DARS1: variants seen among roughly 807,000 people sequenced by gnomAD.
DARS1 encodes the protein aspartate--tRNA ligase, cytoplasmic.
In DARS1, 51 loss-of-function variants were observed where a neutral mutation model predicts 68.8. That is an observed-to-expected ratio of 0.74 (90% CI 0.59 to 0.94). The LOEUF (loss-of-function observed/expected upper bound fraction) is 0.94, where lower values mean the gene tolerates loss of function less well. Among genes scored for constraint, DARS1 ranks in the 40% least tolerant of loss-of-function variants. The pLI, the probability that DARS1 is intolerant of heterozygous loss-of-function variation, is 0.00. For synonymous variants in DARS1, 203 were observed against 190.4 expected, an observed-to-expected ratio of 1.07 and a Z score of -0.55; for missense variants, 607 against 597.3, an observed-to-expected ratio of 1.02 and a Z score of -0.17.
intron 3 of DARS1, among the ~76,000 whole-genome samples, chr2:135,978,302 C>T (rs887257440): frequency 3.7e-4 from 56 of 151,934 alleles, no homozygotes; most frequent in African/African-American, 1.3e-3. Flanking sequence ...TTAAAAAATG[C>T]TATTATCATG....
At chr2:135,983,737 T>C (rs1011736137) in intron 1 of DARS1, among the ~76,000 whole-genome samples, 1 of 152,240 alleles carries the variant, frequency 6.6e-6, no homozygotes, top group African/African-American at 2.4e-5. Context: ...TTTACACATA[T>C]GTACAACACA....
intron 5 of DARS1, 104 bp downstream of exon 5, chr2:135,943,274 C>A: frequency 7.0e-7 from 1 of 1,433,020 alleles, no homozygotes; most frequent in Non-Finnish European, 9.3e-7. Flanking sequence ...ATTTATAAAC[C>A]TCAGTATTTT....
In DARS1 at chr2:135,916,296, G is replaced by C. The variant is rs774006283; in HGVS notation, c.1036C>G (p.Leu346Val). 2 of 1,549,528 alleles carry C rather than the reference G, an allele frequency of 1.3e-6. No homozygotes were observed. The highest frequency in any genetic ancestry group is 2.2e-5 in the East Asian group (1 of 44,542). The change falls in exon 11 of 16, where the codon CTA becomes GTA. Residue 346 changes from leucine (L) to valine (V), a missense_variant. Leu to Val is a conservative substitution (Grantham distance 32). Transcript: ENST00000264161. ...ATAGCCAATGCTTCACAATATTCTAGTCTTAGAGTTGGCTCCAAAAATTTG... is the reference window on the plus strand; with the variant it reads ...ATAGCCAATGCTTCACAATATTCTACTCTTAGAGTTGGCTCCAAAAATTTG... ...PFKFLEPTLR[L>V]EYCEALAMLR...
chr2:135,907,386 A>T lies in DARS1; in HGVS notation c.1436T>A (p.Leu479Gln). ...GGIGLERVTM[L>Q]FLGLHNVRQT... ...ACGAACATTATGCAATCCCAGAAAC[A>T]GCATAGTAACTCGTTCCAATCCTGG... Residue 479 changes from leucine to glutamine, a missense_variant, in exon 16 of 16, where the codon CTG (leucine) becomes CAG (glutamine). By Grantham distance (113) the Leu-to-Gln change is moderately radical. Coordinates refer to ENST00000264161, the MANE Select transcript of DARS1 (RefSeq NM_001349.4). The T allele has an allele frequency of 3.1e-6, 5 of 1,612,606 alleles. No individual in the cohort carries two copies. Among genetic ancestry groups the T allele is most frequent in the Non-Finnish European group, 4.2e-6 (5 of 1,179,250 alleles).
chr2:135,907,243 T>TTTTTTTTTTTTTTTTTTTTTTTTTTA lies in DARS1; in HGVS notation c.*72_*73insTAAAAAAAAAAAAAAAAAAAAAAAAA. 1 of 154,454 alleles carries TTTTTTTTTTTTTTTTTTTTTTTTTTA rather than the reference T, an allele frequency of 6.5e-6. No homozygotes were observed. The highest frequency in any genetic ancestry group is 4.0e-5 in the African/African-American group (1 of 24,904). 9.6% of individuals were successfully genotyped at this position (154,454 alleles called of 1,614,324 possible). Reference sequence around the variant, plus strand: ...ACTGAAAAGAATAAGTGTGGCTTTCTTTTTTTTTTTTTTTTTTTGAGGCAG... The same window carrying TTTTTTTTTTTTTTTTTTTTTTTTTTA: ...ACTGAAAAGAATAAGTGTGGCTTTCTTTTTTTTTTTTTTTTTTTTTTTTTTATTTTTTTTTTTTTTTTTTGAGGCAG... On this transcript the variant is annotated 3_prime_UTR_variant, in exon 16 of 16. Coordinates refer to ENST00000264161, the MANE Select transcript of DARS1 (RefSeq NM_001349.4).
intron 5 of DARS1, among the ~76,000 whole-genome samples, chr2:135,941,742 A>G (rs1681602519): frequency 6.6e-6 from 1 of 151,980 alleles, no homozygotes. Flanking sequence ...ATGGGAGAAA[A>G]TTTTCACAAC....
At chr2:135,943,271 A>T (rs1407699203) in intron 5 of DARS1, 107 bp downstream of exon 5, 1 of 1,421,632 alleles carries the variant, frequency 7.0e-7, no homozygotes, top group East Asian at 2.4e-5. Flanking sequence ...CTAATTTATA[A>T]ACCTCAGTAT....
intron 3 of DARS1, among the ~76,000 whole-genome samples, chr2:135,965,956 T>C (rs1485120091): frequency 6.6e-6 from 1 of 152,290 alleles, no homozygotes; most frequent in South Asian, 2.1e-4. Flanking sequence ...CAAGCTCTTG[T>C]CATGTATTAG....
At chr2:135,985,267 G>T in intron 1 of DARS1, 136 bp downstream of exon 1, 1 of 1,392,268 alleles carries the variant, frequency 7.2e-7, no homozygotes, top group Non-Finnish European at 9.5e-7. Flanking sequence ...GGCTCTAGGC[G>T]CCCGGACCCC....
Position 135,973,731 on chromosome 2 carries a change from G to C in DARS1, c.217+5543C>G, listed in dbSNP as rs532896943. ...AATAAAAAATAAAAATTAGCTGGGC[G>C]TGGTGACATGTGCCTGTAGTCCCAG... On this transcript the variant is annotated intron_variant, in intron 3 of 15. Coordinates refer to ENST00000264161, the MANE Select transcript of DARS1 (RefSeq NM_001349.4). 7.2e-5 allele frequency among the ~76,000 whole-genome samples: 11 copies of C among 152,074 alleles called. No homozygotes were observed. In the South Asian group the frequency reaches 2.3e-3, roughly 32 times the overall value.
At chr2:135,936,045 A>C (rs900471809) in intron 5 of DARS1, among the ~76,000 whole-genome samples, 1 of 152,224 alleles carries the variant, frequency 6.6e-6, no homozygotes, top group East Asian at 1.9e-4. Flanking sequence ...TTCTACTTTT[A>C]TAACTAGTGG....
At position 135,950,143 on chromosome 2, in the gene DARS1, C is replaced by T. The variant is rs77753457; in HGVS notation, c.321-6663G>A. 8.6e-3 allele frequency among the ~76,000 whole-genome samples: 1,310 copies of T among 152,262 alleles called. 16 individuals carry two copies. Among genetic ancestry groups the T allele is most frequent in the African/African-American group, 0.028 (1,156 of 41,558 alleles). ...GGGCTTCATGGAATTAACATATAAA[C>T]ACCATTGTTTCTCCCACTTTGTTGT... On this transcript the variant is annotated intron_variant, in intron 4 of 15. Transcript: ENST00000264161.
chr2:135,916,214 A>G lies in DARS1; in HGVS notation c.1106+12T>C, dbSNP rs747640742. The G allele has an allele frequency of 6.5e-6, 10 of 1,548,994 alleles. No individual in the cohort carries two copies. In the East Asian group the frequency reaches 2.0e-4, roughly 31 times the overall value. On this transcript the variant is annotated intron_variant, in intron 11 of 15. Coordinates refer to ENST00000264161, the MANE Select transcript of DARS1 (RefSeq NM_001349.4). ...TGGAACTTAAAGTAAAAAAAAAGCC[A>G]CAAAGACAAACCTCAGATCGTCTTC...
chr2:135,915,176 AT>A, intron 11 of DARS1, among the ~76,000 whole-genome samples: 1 of 152,334 alleles, frequency 6.6e-6, no homozygotes, highest in East Asian at 1.9e-4. Flanking sequence ...AAAAGTGACA[AT>A]AATCATTTCC....
At chr2:135,961,769 C>A (rs1682107241) in intron 3 of DARS1, among the ~76,000 whole-genome samples, 1 of 152,190 alleles carries the variant, frequency 6.6e-6, no homozygotes, top group Non-Finnish European at 1.5e-5. Flanking sequence ...TTCAAAAAAA[C>A]TTCTAAATCA....
rs764026468 is a variant in DARS1 at position 135,943,388 on chromosome 2, T to C, written c.413A>G (p.His138Arg). Residue 138 changes from histidine (H) to arginine (R), a missense_variant, in exon 5 of 16, where the codon CAT becomes CGT. His to Arg is a conservative substitution (Grantham distance 29). Transcript: ENST00000264161. ...GSCTQQDVEL[H>R]VQKIYVISLA... is the part of the protein sequence containing the mutation. ...TTTGAAAAAACTTACCTTCTGAACA[T>C]GTAACTCAACGTCTTGCTGTGTACA... 1.2e-5 allele frequency: 20 copies of C among 1,612,106 alleles called. No homozygotes were observed. The highest frequency in any genetic ancestry group is 1.0e-4 in the Admixed American group (6 of 59,614).
At chr2:135,967,103 A>G (rs1471331309) in intron 3 of DARS1, among the ~76,000 whole-genome samples, 1 of 152,182 alleles carries the variant, frequency 6.6e-6, no homozygotes, top group Non-Finnish European at 1.5e-5. Flanking sequence ...GATGTGAGGC[A>G]ATCCTATGTT....
intron 4 of DARS1, among the ~76,000 whole-genome samples, chr2:135,951,102 T>C (rs918889690): frequency 1.3e-5 from 2 of 152,206 alleles, no homozygotes; most frequent in African/African-American, 4.8e-5. Flanking sequence ...CAGAGGATTA[T>C]TGGGTAAAAC....
chr2:135,939,046 T>C (rs980189188), intron 5 of DARS1, among the ~76,000 whole-genome samples: 2 of 152,012 alleles, frequency 1.3e-5, no homozygotes, highest in African/African-American at 4.8e-5. Context: ...TTAGACTTCC[T>C]CACAATAATA....
Sources: allele counts gnomAD v4.1 joint callset (sites outside exome capture counted in the v4.1 genomes callset), GRCh38; gene constraint gnomAD v4.1.1; transcripts MANE v1.5; gene names NCBI Gene and HGNC (gene_info 2026-07-23, HGNC 2026-07-21).